The following BDNF variants were observed in gnomAD, a reference collection of about 807,000 sequenced individuals.
BDNF encodes the protein neurotrophic factor BDNF precursor form.
Under a neutral mutation model 19.5 loss-of-function variants are expected in BDNF, and 1 was observed. The observed-to-expected ratio is 0.05, with a 90% confidence interval of 0.02 to 0.24. The LOEUF (loss-of-function observed/expected upper bound fraction) is 0.24. BDNF is among the 10% of genes least tolerant of loss of function. The pLI is 1.00. For synonymous variants in BDNF, 100 were observed against 121.6 expected (o/e 0.82, Z 1.17); for missense variants, 195 against 317.6 (o/e 0.61, Z 2.93).
chr11:27,657,647 G>C lies in BDNF; in HGVS notation c.*174C>G. The C allele has an allele frequency of 7.0e-7, 1 of 1,429,452 alleles. No individual in the cohort carries two copies. Among genetic ancestry groups the C allele is most frequent in the South Asian group, 1.6e-5 (1 of 64,098 alleles). 88.5% of individuals were successfully genotyped at this position (1,429,452 alleles called of 1,614,324 possible). A position where few individuals can be genotyped will look rare whatever the true frequency, so the allele number is the denominator to read the frequency against. On this transcript the variant is annotated 3_prime_UTR_variant, in exon 2 of 2. Transcript: ENST00000356660. The surrounding 1 kb of genome is among the most constrained non-coding windows in gnomAD (Gnocchi z 5.0). ...TGCGCAAATGACTGTTTCCCTTCTG[G>C]TCATGGACATGTCCAATAAATAGAT...
At position 27,658,691 on chromosome 11, in the gene BDNF, A is replaced by G. The variant is rs986033346; in HGVS notation, c.-21-106T>C. 116 of 1,599,444 alleles carry G rather than the reference A, an allele frequency of 7.3e-5. No individual in the cohort carries two copies. Among genetic ancestry groups the G allele is most frequent in the Non-Finnish European group, 9.5e-5 (111 of 1,173,276 alleles). On this transcript the variant is annotated intron_variant, in intron 1 of 1. Transcript: ENST00000356660. The surrounding 1 kb of genome is among the most constrained non-coding windows in gnomAD (Gnocchi z 5.7). ...TAATTCCAGGCCATTCTGCAGGGTCAAGGTTTTTTTATGTCTTGGTGATAA... is the reference window on the plus strand; with the variant it reads ...TAATTCCAGGCCATTCTGCAGGGTCGAGGTTTTTTTATGTCTTGGTGATAA...
At chr11:27,673,994 T>C in intron 1 of BDNF, 2 of 1,463,858 alleles carry the variant, frequency 1.4e-6, no homozygotes, top group Middle Eastern at 1.8e-4. Context: ...TTTCAAACTA[T>C]TATCAAGAAA....
chr11:27,677,741 A>T (rs1239942452), intron 1 of BDNF: 1 of 152,184 alleles, frequency 6.6e-6, no homozygotes, highest in African/African-American at 2.4e-5. Flanking sequence ...TTTTATTTTG[A>T]TTTTTGAATA....
intron 1 of BDNF, among the ~76,000 whole-genome samples, chr11:27,705,670 G>A (rs1283427287): frequency 2.0e-5 from 3 of 152,208 alleles, no homozygotes; most frequent in African/African-American, 7.2e-5. Context: ...GCACAGGCAT[G>A]GTGAGAATGA....
intron 1 of BDNF, chr11:27,719,421 G>A: frequency 1.0e-6 from 1 of 981,938 alleles, no homozygotes; most frequent in Non-Finnish European, 1.2e-6. Flanking sequence ...CCCCTCGCCC[G>A]GCCCGCTCTC....
At chr11:27,688,298 G>A (rs1258735974) in intron 1 of BDNF, among the ~76,000 whole-genome samples, 1 of 152,252 alleles carries the variant, frequency 6.6e-6, no homozygotes, top group African/African-American at 2.4e-5. Flanking sequence ...TCAGGCAGCT[G>A]TGCTGGCAGT....
At position 27,681,580 on chromosome 11, in the gene BDNF, G is replaced by A. The variant is rs573738918; in HGVS notation, c.-22+18584C>T. ...TGAGTAGAATTCAGATGAATAAACA[G>A]CAGAAAAAATCATTAATAAACACAT... On this transcript the variant is annotated intron_variant, in intron 1 of 1. Transcript: ENST00000356660. Among the ~76,000 whole-genome samples, 6 of 152,132 alleles carry A rather than the reference G, an allele frequency of 3.9e-5. No individual in the cohort carries two copies. The East Asian group carries it at 7.7e-4, about 20-fold the overall frequency.
chr11:27,674,893 A>C, intron 1 of BDNF: 3 of 897,588 alleles, frequency 3.3e-6, no homozygotes, highest in Non-Finnish European at 4.0e-6. Flanking sequence ...AAAAATAAGT[A>C]AAATGTTTCT....
At chr11:27,692,238 A>G (rs537797926) in intron 1 of BDNF, among the ~76,000 whole-genome samples, 27 of 152,282 alleles carry the variant, frequency 1.8e-4, no homozygotes, top group African/African-American at 5.8e-4. Context: ...AATGCATTAG[A>G]AAAAAACAAG....
chr11:27,686,855 A>G (rs1857552506), intron 1 of BDNF, among the ~76,000 whole-genome samples: 3 of 151,866 alleles, frequency 2.0e-5, no homozygotes, highest in Admixed American at 2.0e-4. Flanking sequence ...CTGCATTTCA[A>G]CCTTGGTGAA....
At chr11:27,699,291 T>G (rs1203906779) in intron 1 of BDNF, 12 of 1,548,140 alleles carry the variant, frequency 7.8e-6, no homozygotes, top group Non-Finnish European at 1.1e-5. Flanking sequence ...TCCTTAGGGA[T>G]GCCCCTAGTC....
chr11:27,666,926 A>G (rs1404530442), intron 1 of BDNF, among the ~76,000 whole-genome samples: 2 of 152,166 alleles, frequency 1.3e-5, no homozygotes, highest in African/African-American at 2.4e-5. Flanking sequence ...GAATGCCGCA[A>G]AGATACTCCT....
chr11:27,699,400 C>T lies in BDNF; in HGVS notation c.-22+764G>A, dbSNP rs955482595. The T allele has an allele frequency of 1.9e-6, 3 of 1,614,184 alleles. No homozygotes were observed. The highest frequency in any genetic ancestry group is 2.5e-6 in the Non-Finnish European group (3 of 1,180,046). On this transcript the variant is annotated intron_variant, in intron 1 of 1. Transcript: ENST00000356660. ...CACTCACCCATTCCTCTTCCCGGCT[C>T]TGCATCCCCAGAGACTAACCCGAGT... is the stretch of plus-strand genomic sequence containing the variant.
chr11:27,656,718 GTTTT>G lies in BDNF; in HGVS notation c.*1099_*1102del. 5.1e-6 allele frequency: 5 copies of G among 985,006 alleles called. No homozygotes were observed. Among genetic ancestry groups the G allele is most frequent in the Non-Finnish European group, 6.0e-6 (5 of 829,830 alleles). 61.0% of individuals were successfully genotyped at this position (985,006 alleles called of 1,614,324 possible). A position where few individuals can be genotyped will look rare whatever the true frequency, so the allele number is the denominator to read the frequency against. On this transcript the variant is annotated 3_prime_UTR_variant, in exon 2 of 2. Transcript: ENST00000356660. ...AAGACATTGTTAAGCCTCACCATGA[GTTTT>G]TTTTAAGCTTAGCCATGATTTACCC...
rs1564941203 is a variant in BDNF, at chr11:27,658,547, A to G, written c.18T>C (p.Leu6=). The change falls in exon 2 of 2, where the codon CTT becomes CTC. Residue 6 remains leucine, a synonymous_variant. Coordinates refer to ENST00000356660, the MANE Select transcript of BDNF (RefSeq NM_001709.5). This position sits in a 1 kb window ranked among gnomAD's most constrained non-coding sequence, Gnocchi z 5.7. MTILF[L]TMVISYFGCM... ...AACCAAAGTATGAAATAACCATAGT[A>G]AGGAAAAGGATGGTCATCACTCTTC... 6.2e-7 allele frequency: 1 copy of G among 1,614,166 alleles called. No homozygotes were observed. Among genetic ancestry groups the G allele is most frequent in the Non-Finnish European group, 8.5e-7 (1 of 1,179,992 alleles).
chr11:27,689,793 T>C (rs917624297), intron 1 of BDNF, among the ~76,000 whole-genome samples: 2 of 152,206 alleles, frequency 1.3e-5, no homozygotes, highest in African/African-American at 2.4e-5. Flanking sequence ...GGTGGTTTGC[T>C]GCACCTATCA....
chr11:27,657,197 T>G lies in BDNF; in HGVS notation c.*624A>C, dbSNP rs1852680610. 1.0e-6 allele frequency: 1 copy of G among 983,876 alleles called. No homozygotes were observed. The highest frequency in any genetic ancestry group is 1.2e-6 in the Non-Finnish European group (1 of 828,042). The allele number at this position is 983,876 out of a possible 1,614,324, so 60.9% of individuals were successfully genotyped here. A position where few individuals can be genotyped will look rare whatever the true frequency, so the allele number is the denominator to read the frequency against. On this transcript the variant is annotated 3_prime_UTR_variant, in exon 2 of 2. Coordinates refer to ENST00000356660, the MANE Select transcript of BDNF (RefSeq NM_001709.5). The surrounding 1 kb of genome is among the most constrained non-coding windows in gnomAD (Gnocchi z 5.0). ...CAGCCAGAATATATATTGTAGGAAT[T>G]CTTTCCCCATCTCTACTCCCTGTGG...
chr11:27,704,584 G>A (rs568672438), upstream of BDNF, among the ~76,000 whole-genome samples: 10 of 152,166 alleles, frequency 6.6e-5, no homozygotes, highest in African/African-American at 2.4e-4. Flanking sequence ...CATCAAATAA[G>A]TTGGCCTAAA....
chr11:27,666,922 C>T (rs4528281), intron 1 of BDNF, among the ~76,000 whole-genome samples: 4,418 of 152,004 alleles, frequency 0.029, 198 homozygotes, highest in African/African-American at 0.1. Flanking sequence ...CAGAGAATGC[C>T]GCAAAGATAC....
Sources: allele counts gnomAD v4.1 joint callset (sites outside exome capture counted in the v4.1 genomes callset), GRCh38; gene constraint gnomAD v4.1.1; non-coding constraint Gnocchi (gnomAD v3.1); transcripts MANE v1.5; gene names NCBI Gene and HGNC (gene_info 2026-07-23, HGNC 2026-07-21).